The following ZNF804A variants were observed in gnomAD, a reference collection of about 807,000 sequenced individuals.
ZNF804A encodes zinc finger protein 804A.
In ZNF804A, 2 loss-of-function variants were observed where a neutral mutation model predicts 16.5. The observed-to-expected ratio is 0.12, with a 90% CI of 0.05 to 0.38. The LOEUF (loss-of-function observed/expected upper bound fraction) is 0.38, where lower values mean the gene tolerates loss of function less well. Ranked by LOEUF, ZNF804A falls within the 10% of genes least tolerant of loss-of-function variation. ZNF804A has a pLI of 0.99. For synonymous variants in ZNF804A, 534 were observed against 489.6 expected (o/e 1.09, Z -1.20); for missense variants, 1,473 against 1,390.7 (o/e 1.06, Z -0.94).
Position 184,939,177 on chromosome 2 carries a change from A to G in ZNF804A, c.*151A>G. 1 of 905,538 alleles carries G rather than the reference A, an allele frequency of 1.1e-6. No individual in the cohort carries two copies. The highest frequency in any genetic ancestry group is 1.7e-6 in the Non-Finnish European group (1 of 602,952). The allele number at this position is 905,538 out of a possible 1,614,324, so 56.1% of individuals were successfully genotyped here. ...GTTTGAAATCATTTACTGTAAGTGC[A>G]ATGATGCAAATAAATCCCTAAGTTT... On this transcript the variant is annotated 3_prime_UTR_variant, in exon 4 of 4. Transcript: ENST00000302277.
Position 184,938,356 on chromosome 2 carries a change from C to A in ZNF804A, c.2960C>A (p.Thr987Lys). 1 of 1,614,110 alleles carries A rather than the reference C, an allele frequency of 6.2e-7. No individual in the cohort carries two copies. Among genetic ancestry groups the A allele is most frequent in the Non-Finnish European group, 8.5e-7 (1 of 1,179,998 alleles). The change falls in exon 4 of 4, where the codon ACA becomes AAA. Residue 987 changes from threonine (T) to lysine (K), a missense_variant. By Grantham distance (78) the Thr-to-Lys change is moderately conservative (BLOSUM62 -1). Transcript: ENST00000302277. ...EALPQGKMNE[T>K]PTEWLRYNSG... ...CTTCCACAAGGAAAGATGAATGAGA[C>A]ACCAACTGAGTGGCTGCGTTATAAT... is the stretch of plus-strand genomic sequence containing the variant.
intron 2 of ZNF804A, among the ~76,000 whole-genome samples, chr2:184,908,814 T>A (rs1685317492): frequency 6.6e-6 from 1 of 152,160 alleles, no homozygotes; most frequent in Admixed American, 6.6e-5. Flanking sequence ...ACGCTCAGAA[T>A]GCAAATTGCT....
chr2:184,674,535 A>G (rs564806420), intron 1 of ZNF804A, among the ~76,000 whole-genome samples: 1 of 152,022 alleles, frequency 6.6e-6, no homozygotes. Context: ...ATAATAGTGA[A>G]ACTTGAGATT....
intron 1 of ZNF804A, among the ~76,000 whole-genome samples, chr2:184,652,730 A>T (rs1282115759): frequency 2.0e-5 from 3 of 152,068 alleles, no homozygotes; most frequent in Middle Eastern, 3.2e-3. Context: ...GTCCCCACCC[A>T]AATTTCATCT....
At chr2:184,931,759 T>G (rs567085351) in intron 2 of ZNF804A, among the ~76,000 whole-genome samples, 1 of 152,120 alleles carries the variant, frequency 6.6e-6, no homozygotes, top group African/African-American at 2.4e-5. Context: ...AGAAAATGGG[T>G]TTTTCTTTTC....
chr2:184,802,407 G>T (rs576222887), intron 1 of ZNF804A, among the ~76,000 whole-genome samples: 2 of 152,152 alleles, frequency 1.3e-5, no homozygotes, highest in Non-Finnish European at 1.5e-5. Flanking sequence ...GGAGAATATC[G>T]TTGTGTCCTT....
chr2:184,643,427 T>G (rs1691824433), intron 1 of ZNF804A, among the ~76,000 whole-genome samples: 1 of 151,960 alleles, frequency 6.6e-6, no homozygotes, highest in Non-Finnish European at 1.5e-5. Context: ...CTTGATAAAT[T>G]TGCTTTGAAA....
intron 1 of ZNF804A, among the ~76,000 whole-genome samples, chr2:184,632,365 G>C (rs759065801): frequency 2.0e-5 from 3 of 151,946 alleles, no homozygotes; most frequent in Non-Finnish European, 4.4e-5. Flanking sequence ...CACCATATTT[G>C]GTAACTTTTA....
chr2:184,603,015 T>C (rs1444055502), intron 1 of ZNF804A, among the ~76,000 whole-genome samples: 1 of 152,156 alleles, frequency 6.6e-6, no homozygotes, highest in Non-Finnish European at 1.5e-5. Flanking sequence ...AAATTTGTTT[T>C]ACTACTCATC....
At chr2:184,918,762 T>TA (rs1183652129) in intron 2 of ZNF804A, among the ~76,000 whole-genome samples, 1 of 152,182 alleles carries the variant, frequency 6.6e-6, no homozygotes, top group Non-Finnish European at 1.5e-5. Flanking sequence ...ACTATACACT[T>TA]ATTTGTAATA....
chr2:184,866,694 A>T (rs115475004), intron 2 of ZNF804A, among the ~76,000 whole-genome samples, 182 bp downstream of exon 2: 22,787 of 148,022 alleles, frequency 0.15, 1,992 homozygotes, highest in African/African-American at 0.24. Flanking sequence ...TTTTTTTTTA[A>T]AAAAAAAGGC....
At chr2:184,876,949 C>T (rs576096266) in intron 2 of ZNF804A, among the ~76,000 whole-genome samples, 13 of 152,148 alleles carry the variant, frequency 8.5e-5, no homozygotes, top group Admixed American at 4.6e-4. Flanking sequence ...ATAAATTCAA[C>T]TTAGCACTGT....
At chr2:184,712,047 T>C (rs1693137325) in intron 1 of ZNF804A, among the ~76,000 whole-genome samples, 1 of 151,720 alleles carries the variant, frequency 6.6e-6, no homozygotes, top group Non-Finnish European at 1.5e-5. Context: ...CTGTAAGTCT[T>C]CTTGAGTAAT....
chr2:184,779,157 C>T (rs542405387), intron 1 of ZNF804A, among the ~76,000 whole-genome samples: 1 of 151,690 alleles, frequency 6.6e-6, no homozygotes, highest in East Asian at 1.9e-4. Context: ...CACTAGGATG[C>T]CATATTCTGA....
Position 184,842,871 on chromosome 2 carries a change from T to C in ZNF804A, c.112-23498T>C, listed in dbSNP as rs116709497. On this transcript the variant is annotated intron_variant, in intron 1 of 3. Coordinates refer to ENST00000302277, the MANE Select transcript of ZNF804A (RefSeq NM_194250.2). ...ATCGACAAACTGTAAATATAGTTTC[T>C]AGAAGAGGAGGATAATTCAGACAGT... 9.1e-3 allele frequency among the ~76,000 whole-genome samples: 1,385 copies of C among 152,280 alleles called. 22 individuals are homozygous for C. Among genetic ancestry groups the C allele is most frequent in the African/African-American group, 0.032 (1,324 of 41,564 alleles).
chr2:184,688,655 A>T (rs575727413), intron 1 of ZNF804A, among the ~76,000 whole-genome samples: 1 of 152,116 alleles, frequency 6.6e-6, no homozygotes, highest in African/African-American at 2.4e-5. Flanking sequence ...TTGACAAGGG[A>T]TATAAAACTA....
chr2:184,670,991 C>A (rs1002063881), intron 1 of ZNF804A, among the ~76,000 whole-genome samples: 3 of 152,046 alleles, frequency 2.0e-5, no homozygotes, highest in African/African-American at 7.2e-5. Flanking sequence ...TTTTCTGCAG[C>A]AATATTAGAG....
At chr2:184,790,803 C>T (rs1168517156) in intron 1 of ZNF804A, among the ~76,000 whole-genome samples, 22 of 152,028 alleles carry the variant, frequency 1.4e-4, no homozygotes, top group Admixed American at 1.4e-3. Context: ...CAGGGTTTCA[C>T]CGTGTTAGCC....
intron 1 of ZNF804A, among the ~76,000 whole-genome samples, chr2:184,821,936 A>G (rs1038138127): frequency 3.6e-4 from 55 of 152,244 alleles, no homozygotes; most frequent in African/African-American, 1.3e-3. Flanking sequence ...GGTTGTGGAG[A>G]AAAAGAAACG....
Sources: gnomAD v4.1 joint callset for allele counts (sites outside exome capture counted in the v4.1 genomes callset) on GRCh38, gnomAD v4.1.1 for gene constraint, MANE v1.5 for transcripts, NCBI Gene and HGNC (gene_info 2026-07-23, HGNC 2026-07-21) for gene names.